The following NCOR2 variants were observed in gnomAD, a reference collection of about 807,000 sequenced individuals.
NCOR2 encodes the protein CTG repeat protein 26.
Under a neutral mutation model 262.9 loss-of-function variants are expected in NCOR2, and 81 were observed. The observed-to-expected ratio is 0.31, with a 90% CI of 0.26 to 0.37. The LOEUF is 0.37. NCOR2 is among the 10% of genes least tolerant of loss of function. NCOR2 has a pLI of 1.00. For missense variants in NCOR2, 3,385 were observed against 3,621.4 expected (o/e 0.93, Z 1.68); for synonymous variants, 1,659 against 1,559.3 (o/e 1.06, Z -1.51).
intron 4 of NCOR2, among the ~76,000 whole-genome samples, chr12:124,472,075 G>A (rs1049952213): frequency 3.3e-5 from 5 of 152,194 alleles, no homozygotes; most frequent in Non-Finnish European, 7.3e-5. Context: ...TGGCTGGATT[G>A]GCTGAACCCG....
intron 1 of NCOR2, among the ~76,000 whole-genome samples, 189 bp downstream of exon 2, chr12:124,535,376 G>A (rs1043957111): frequency 1.3e-5 from 2 of 152,198 alleles, no homozygotes; most frequent in African/African-American, 2.4e-5. Context: ...GGGGGACCCC[G>A]CAAACTGCCC....
chr12:124,327,627 A>G (rs935417167), exon 45 of NCOR2: 2 of 1,579,434 alleles, frequency 1.3e-6, no homozygotes, highest in Non-Finnish European at 1.7e-6. Flanking sequence ...TCTATAGGTC[A>G]TAAGGCCTGG....
chr12:124,459,454 G>C (rs2046049417), intron 5 of NCOR2, among the ~76,000 whole-genome samples: 1 of 152,062 alleles, frequency 6.6e-6, no homozygotes, highest in South Asian at 2.1e-4. Flanking sequence ...TCCTGGGGAG[G>C]TGGGCCTGTG....
chr12:124,433,090 C>T (rs1305492832), intron 8 of NCOR2, among the ~76,000 whole-genome samples: 1 of 152,222 alleles, frequency 6.6e-6, no homozygotes, highest in African/African-American at 2.4e-5. Context: ...GCAAGCTGTG[C>T]CCTCCATCCT....
intron 17 of NCOR2, among the ~76,000 whole-genome samples, chr12:124,382,487 G>A (rs918327248): frequency 1.3e-5 from 2 of 152,238 alleles, no homozygotes; most frequent in East Asian, 1.9e-4. Context: ...AGTCTTCAGC[G>A]TCAGGGGACA....
chr12:124,394,008 G>C (rs56795056), intron 16 of NCOR2, among the ~76,000 whole-genome samples: 51 of 152,384 alleles, frequency 3.3e-4, no homozygotes, highest in South Asian at 6.2e-4. Context: ...TTGCTTGGCA[G>C]GTGACTTACC....
intron 4 of NCOR2, among the ~76,000 whole-genome samples, chr12:124,469,178 G>A (rs12372323): frequency 0.12 from 18,635 of 152,006 alleles, 1,235 homozygotes; most frequent in South Asian, 0.19. Flanking sequence ...ATGTGACAGG[G>A]CATCACAAGT....
rs559866006 is a variant in NCOR2 at position 124,342,862 on chromosome 12, G to A, written c.4936+143C>T. ...AACCTAAGCTCATGATTACACTGTT[G>A]GGTCTTCCAATCCCGAGGCCTCAGT... On this transcript the variant is annotated intron_variant, in intron 33 of 46. Coordinates refer to ENST00000405201, the Ensembl canonical transcript of NCOR2. 8.7e-6 allele frequency: 7 copies of A among 802,504 alleles called. No individual in the cohort carries two copies. The South Asian group carries it at 1.0e-4, about 12-fold the overall frequency. 49.7% of individuals were successfully genotyped at this position (802,504 alleles called of 1,614,324 possible).
At chr12:124,381,762 T>C (rs975232078) in intron 17 of NCOR2, among the ~76,000 whole-genome samples, 2 of 152,168 alleles carry the variant, frequency 1.3e-5, no homozygotes, top group African/African-American at 4.8e-5. Flanking sequence ...AAGGCGGGGC[T>C]GGGCCAAGGC....
intron 8 of NCOR2, among the ~76,000 whole-genome samples, chr12:124,433,464 T>C (rs1290288444): frequency 6.6e-6 from 1 of 152,208 alleles, no homozygotes; most frequent in Non-Finnish European, 1.5e-5. Context: ...CCTGTCCACA[T>C]TGCCGGCAGG....
intron 2 of NCOR2, among the ~76,000 whole-genome samples, chr12:124,485,700 A>G (rs1160605524): frequency 6.6e-6 from 1 of 152,202 alleles, no homozygotes; most frequent in Non-Finnish European, 1.5e-5. Flanking sequence ...CCGTGGTACC[A>G]TGAAGGGCTG....
chr12:124,327,518 C>T lies in NCOR2; in HGVS notation c.7074G>A (p.Pro2358=), dbSNP rs370831410. ...GGTTAAAAGCATTGGCGCTGAGCGG[C>T]GGGGACTCTTCCCACTGGTCATATT... Residue 2358 remains proline (P), a synonymous_variant, in exon 45 of 47, where the codon CCG becomes CCA. Coordinates refer to ENST00000405201, the Ensembl canonical transcript of NCOR2. 2.4e-5 allele frequency: 39 copies of T among 1,613,718 alleles called. 2 individuals are homozygous for T. The Middle Eastern group carries it at 5.0e-4, about 21-fold the overall frequency.
exon 28 of NCOR2, chr12:124,350,620 C>T (rs1566380281): frequency 1.2e-6 from 2 of 1,613,998 alleles, no homozygotes; most frequent in Non-Finnish European, 1.7e-6. Flanking sequence ...TTCTTGCCTT[C>T]GTAGATGACG....
At chr12:124,346,387 C>A (rs959435848) in intron 31 of NCOR2, among the ~76,000 whole-genome samples, 177 bp downstream of exon 33, 2 of 152,108 alleles carry the variant, frequency 1.3e-5, no homozygotes, top group African/African-American at 4.8e-5. Context: ...GCCTGGTGCC[C>A]CCTGCGCAGC....
intron 4 of NCOR2, among the ~76,000 whole-genome samples, chr12:124,468,354 A>C (rs1310451142): frequency 2.7e-5 from 1 of 36,860 alleles, no homozygotes; most frequent in African/African-American, 1.2e-4. Flanking sequence ...CACCCCCATC[A>C]TCCTCATCCT....
chr12:124,442,170 G>T lies in NCOR2; in HGVS notation c.816-4174C>A, dbSNP rs1239289095. ...TTTGATTTTTGTTTTTAGAGACAGG[G>T]TCTTACTCTGTCTCCCAGGCGGGAG... On this transcript the variant is annotated intron_variant, in intron 7 of 46. Transcript: ENST00000405201. 5.3e-5 allele frequency among the ~76,000 whole-genome samples: 8 copies of T among 152,280 alleles called. No homozygotes were observed. The East Asian group carries it at 9.6e-4, about 18-fold the overall frequency.
intron 37 of NCOR2, among the ~76,000 whole-genome samples, chr12:124,339,365 C>CACCTACCTACCTACCT (rs58198311): frequency 6.1e-5 from 8 of 130,834 alleles, no homozygotes; most frequent in Non-Finnish European, 6.2e-5. Flanking sequence ...TCCTCTTAGC[C>CACCTACCTACCTACCT]ACCTACCTAC....
In NCOR2 at chr12:124,378,340, C is replaced by T. The variant is rs745446004; in HGVS notation, c.2064G>A (p.Ala688=). The change falls in exon 18 of 47, where the codon GCG becomes GCA. Residue 688 remains alanine (A), a synonymous_variant. Coordinates refer to ENST00000405201, the Ensembl canonical transcript of NCOR2. This position sits in a 1 kb window ranked among gnomAD's most constrained non-coding sequence, Gnocchi z 4.2. ...GGAATGCAGCCTCCTCGCTGGCCGCCGCCGGCGCTTTCTTCTTCTTCCTCC... is the reference window on the plus strand; with the variant it reads ...GGAATGCAGCCTCCTCGCTGGCCGCTGCCGGCGCTTTCTTCTTCTTCCTCC... 84 of 1,613,786 alleles carry T rather than the reference C, an allele frequency of 5.2e-5. No homozygotes were observed. Among genetic ancestry groups the T allele is most frequent in the Admixed American group, 1.0e-4 (6 of 59,996 alleles).
chr12:124,400,315 G>A (rs923330416), intron 15 of NCOR2, among the ~76,000 whole-genome samples, 186 bp downstream of exon 17: 2 of 152,106 alleles, frequency 1.3e-5, no homozygotes, highest in African/African-American at 4.8e-5. Context: ...GCACAGAGAG[G>A]TTCAGGAATT....
Sources: allele counts gnomAD v4.1 joint callset (sites outside exome capture counted in the v4.1 genomes callset), GRCh38; gene constraint gnomAD v4.1.1; non-coding constraint Gnocchi (gnomAD v3.1); transcripts MANE v1.5; gene names NCBI Gene and HGNC (gene_info 2026-07-23, HGNC 2026-07-21).